The following NR1I2 variants were observed in gnomAD, a reference collection of about 807,000 sequenced individuals.
NR1I2 encodes orphan nuclear receptor PAR1.
NR1I2 carries 42 observed loss-of-function variants against 43.3 expected under a neutral mutation model. That is an observed-to-expected ratio of 0.97 (90% confidence interval 0.76 to 1.26). The LOEUF is 1.26. Among genes scored for constraint, NR1I2 ranks in the 50% most tolerant of loss-of-function variants. NR1I2 has a pLI of 0.00. For synonymous variants in NR1I2, 229 were observed against 215.0 expected, an observed-to-expected ratio of 1.06 and a Z score of -0.57; for missense variants, 559 against 566.7, an observed-to-expected ratio of 0.99 and a Z score of 0.14.
rs201648270 is a variant in NR1I2, at chr3:119,807,299, T to C, written c.49T>C (p.Cys17Arg). 51 of 1,614,218 alleles carry C rather than the reference T, an allele frequency of 3.2e-5. No homozygotes were observed. Among genetic ancestry groups the C allele is most frequent in the Admixed American group, 2.7e-4 (16 of 60,024 alleles). Residue 17 changes from cysteine to arginine, a missense_variant, in exon 2 of 9, where the codon TGT becomes CGT. Cys to Arg is a radical substitution (Grantham distance 180). This residue lies in a region of NR1I2 where 232 missense variants were observed against 236.6 expected (regional missense o/e 0.98). Transcript: ENST00000393716. ...CTGGAACCATGCTGACTTTGTACACTGTGAGGACACAGAGTCTGTTCCTGG... is the reference window on the plus strand; with the variant it reads ...CTGGAACCATGCTGACTTTGTACACCGTGAGGACACAGAGTCTGTTCCTGG...
chr3:119,802,076 C>T (rs2055089271), intron 1 of NR1I2, among the ~76,000 whole-genome samples: 1 of 152,078 alleles, frequency 6.6e-6, no homozygotes, highest in Non-Finnish European at 1.5e-5. Flanking sequence ...ACAGACCATC[C>T]TAGACTCATT....
chr3:119,789,909 A>C (rs1446564293), intron 1 of NR1I2, among the ~76,000 whole-genome samples: 1 of 152,232 alleles, frequency 6.6e-6, no homozygotes, highest in African/African-American at 2.4e-5. Context: ...AATATACAGA[A>C]GGAGCAGGAT....
intron 1 of NR1I2, chr3:119,782,862 C>T: frequency 6.2e-7 from 1 of 1,607,340 alleles, no homozygotes; most frequent in Non-Finnish European, 8.5e-7. Context: ...AGTGAGTTTT[C>T]TACCTCTACT....
At chr3:119,816,986 G>A in intron 8 of NR1I2, 82 bp from the exon 9 acceptor site, 1 of 1,570,816 alleles carries the variant, frequency 6.4e-7, no homozygotes, top group Non-Finnish European at 8.8e-7. Context: ...CAGAGATTAT[G>A]CTTGTGCAGC....
At chr3:119,783,440 G>A (rs554882476) in intron 1 of NR1I2, among the ~76,000 whole-genome samples, 3 of 152,046 alleles carry the variant, frequency 2.0e-5, no homozygotes, top group Non-Finnish European at 4.4e-5. Context: ...CTGATTCATT[G>A]AGTCAGCAAA....
At chr3:119,789,622 C>T (rs760313548) in intron 1 of NR1I2, among the ~76,000 whole-genome samples, 13 of 152,176 alleles carry the variant, frequency 8.5e-5, no homozygotes, top group African/African-American at 1.2e-4. Flanking sequence ...GGGGACACAG[C>T]CAAACCATAT....
intron 8 of NR1I2, among the ~76,000 whole-genome samples, 188 bp from the exon 9 acceptor site, chr3:119,816,880 G>T (rs142607850): frequency 6.6e-6 from 1 of 151,426 alleles, no homozygotes; most frequent in Non-Finnish European, 1.5e-5. Flanking sequence ...AGTGGGGAGA[G>T]TATTGGGCAG....
intron 1 of NR1I2, among the ~76,000 whole-genome samples, chr3:119,792,735 C>A (rs924802030): frequency 4.6e-5 from 7 of 151,958 alleles, no homozygotes; most frequent in Non-Finnish European, 8.8e-5. Flanking sequence ...TTTAGCTGGA[C>A]GTGGTGGCAT....
rs574094737 is a variant in NR1I2, at chr3:119,812,902, A to T, written c.736A>T (p.Met246Leu). 1.1e-5 allele frequency: 17 copies of T among 1,614,136 alleles called. No homozygotes were observed. The South Asian group carries it at 1.5e-4, about 15-fold the overall frequency. The change falls in exon 5 of 9, where the codon ATG (methionine) becomes TTG (leucine). Residue 246 changes from methionine (M) to leucine (L), a missense_variant. Met to Leu is a conservative substitution (Grantham distance 15). Transcript: ENST00000393716. ...CTCCCTGCTGCCCCACATGGCTGAC[A>T]TGTCAACCTACATGTTCAAAGGCAT... is the stretch of plus-strand genomic sequence containing the variant.
At chr3:119,792,509 A>C in intron 1 of NR1I2, 1 of 1,083,980 alleles carries the variant, frequency 9.2e-7, no homozygotes, top group Non-Finnish European at 1.4e-6. Flanking sequence ...GAACATCACC[A>C]ATCTGCCGGC....
intron 1 of NR1I2, among the ~76,000 whole-genome samples, chr3:119,806,625 G>T (rs13323135): frequency 0.039 from 5,906 of 152,170 alleles, 159 homozygotes; most frequent in Middle Eastern, 0.078. Context: ...AATATTCACT[G>T]AGACCCCAGC....
At chr3:119,786,190 A>T (rs1293001549) in intron 1 of NR1I2, among the ~76,000 whole-genome samples, 1 of 152,204 alleles carries the variant, frequency 6.6e-6, no homozygotes, top group Non-Finnish European at 1.5e-5. Context: ...GGGAACGTGG[A>T]CAACATTAAT....
At chr3:119,791,777 G>A in intron 1 of NR1I2, 1 of 439,354 alleles carries the variant, frequency 2.3e-6, no homozygotes, top group South Asian at 1.8e-5. Context: ...TAGATGTGGA[G>A]TTCAGAGTGG....
intron 3 of NR1I2, among the ~76,000 whole-genome samples, chr3:119,810,887 A>G (rs1408213412): frequency 6.6e-6 from 1 of 152,126 alleles, no homozygotes; most frequent in Admixed American, 6.5e-5. Flanking sequence ...TTCTACACAC[A>G]TGAGTGGGCT....
At chr3:119,787,703 GTGT>G in intron 1 of NR1I2, among the ~76,000 whole-genome samples, 1 of 123,132 alleles carries the variant, frequency 8.1e-6, no homozygotes, top group African/African-American at 2.9e-5. Context: ...GTGTGTGTGT[GTGT>G]GGTGTGTATG....
rs548783616 is a variant in NR1I2 at position 119,806,107 on chromosome 3, G to A, written c.-22-1122G>A. On this transcript the variant is annotated intron_variant, in intron 1 of 8. Transcript: ENST00000393716. ...CGATTTTGGCATTAGAAAAAGCATC[G>A]TCATCTGTGGTGGTGTCTGCCCTTG... Among the ~76,000 whole-genome samples the A allele has an allele frequency of 2.4e-4, 36 of 152,290 alleles. No individual in the cohort carries two copies. In the South Asian group the frequency reaches 6.0e-3, roughly 25 times the overall value.
intron 1 of NR1I2, among the ~76,000 whole-genome samples, chr3:119,795,235 A>T (rs2054980883): frequency 6.6e-6 from 1 of 152,202 alleles, no homozygotes; most frequent in Non-Finnish European, 1.5e-5. Context: ...TTAGCAGGGC[A>T]AAGTGCAACA....
intron 1 of NR1I2, among the ~76,000 whole-genome samples, chr3:119,788,241 A>C (rs2054872518): frequency 6.6e-6 from 1 of 151,420 alleles, no homozygotes; most frequent in Non-Finnish European, 1.5e-5. Flanking sequence ...AGCCCCCCAG[A>C]GAGCTGGGAC....
intron 1 of NR1I2, among the ~76,000 whole-genome samples, chr3:119,803,904 C>T (rs147905983): frequency 0.02 from 2,987 of 151,942 alleles, 88 homozygotes; most frequent in African/African-American, 0.066. Flanking sequence ...ATTACAGGCA[C>T]GCGCCACCAC....
Sources: allele counts gnomAD v4.1 joint callset (sites outside exome capture counted in the v4.1 genomes callset), GRCh38; gene constraint gnomAD v4.1.1; regional missense constraint gnomAD v4.1.1; transcripts MANE v1.5; gene names NCBI Gene and HGNC (gene_info 2026-07-23, HGNC 2026-07-21).